The following LRRC18 variants were observed in gnomAD, a reference collection of about 807,000 sequenced individuals.
LRRC18 encodes the protein leucine rich repeat containing 18, also known as leucine-rich repeat-containing protein 18.
LRRC18 carries 12 observed loss-of-function variants against 11.2 expected under a neutral mutation model. The observed-to-expected ratio is 1.07, with a 90% CI of 0.69 to 1.74. The LOEUF (loss-of-function observed/expected upper bound fraction) is 1.74. LRRC18 is among the 40% of genes most tolerant of loss of function. The probability of loss-of-function intolerance (pLI) is 0.00; values close to 1 mark genes in which losing one functional copy is unlikely to be tolerated. For missense variants in LRRC18, 374 were observed against 330.5 expected, an observed-to-expected ratio of 1.13 and a Z score of -1.02; for synonymous variants, 155 against 130.6, an observed-to-expected ratio of 1.19 and a Z score of -1.27.
At chr10:48,910,053 T>C in exon 2 of LRRC18, 1 of 575,648 alleles carries the variant, frequency 1.7e-6, no homozygotes, top group Non-Finnish European at 3.1e-6. Flanking sequence ...CACACACAGG[T>C]GGGCTAAAGC....
chr10:48,933,233 G>A, the LRRC18 span, among the ~76,000 whole-genome samples: 1 of 152,162 alleles, frequency 6.6e-6, no homozygotes, highest in East Asian at 1.9e-4. Context: ...CTGCTAGAGG[G>A]GCCTAGCACT....
At chr10:48,918,772 TG>T (rs1564485785), upstream of LRRC18, among the ~76,000 whole-genome samples, 1 of 152,268 alleles carries the variant, frequency 6.6e-6, no homozygotes, top group Non-Finnish European at 1.5e-5. Context: ...TGACAGGGCT[TG>T]GGGGAAGACC....
At chr10:48,910,190 G>GTGTTTTT in exon 2 of LRRC18, 3 of 1,499,354 alleles carry the variant, frequency 2.0e-6, no homozygotes, top group Non-Finnish European at 2.8e-6. Flanking sequence ...CTTCAGAGTC[G>GTGTTTTT]TTTATTCTGT....
At chr10:48,913,681 T>C (rs1282308382) in exon 1 of LRRC18, 4 of 1,613,392 alleles carry the variant, frequency 2.5e-6, no homozygotes, top group Non-Finnish European at 3.4e-6. Flanking sequence ...CTCACGGGGA[T>C]GTTGTTCAGT....
exon 1 of LRRC18, chr10:48,914,145 C>T (rs200930283): frequency 3.7e-6 from 6 of 1,612,860 alleles, no homozygotes; most frequent in Admixed American, 3.3e-5. Context: ...GCCTTTCTCA[C>T]CCTTAACCAT....
At chr10:48,913,705 G>C (rs1239671860) in exon 1 of LRRC18, 6 of 1,612,446 alleles carry the variant, frequency 3.7e-6, no homozygotes, top group Non-Finnish European at 5.1e-6. Context: ...TTGTCATGGA[G>C]CCCTACCTCG....
chr10:48,937,651 A>T, the LRRC18 span, among the ~76,000 whole-genome samples: 1 of 152,256 alleles, frequency 6.6e-6, no homozygotes, highest in Non-Finnish European at 1.5e-5. Flanking sequence ...ATTAAGTGTT[A>T]TTATTAGGTC....
the LRRC18 span, among the ~76,000 whole-genome samples, chr10:48,938,453 G>A: frequency 6.6e-6 from 1 of 152,234 alleles, no homozygotes; most frequent in African/African-American, 2.4e-5. Flanking sequence ...ACCATATCTG[G>A]AGGCCCAGCC....
At chr10:48,930,639 A>G in the LRRC18 span, among the ~76,000 whole-genome samples, 1 of 152,232 alleles carries the variant, frequency 6.6e-6, no homozygotes, top group Non-Finnish European at 1.5e-5. Flanking sequence ...AGGAAATAAG[A>G]ACAAGACTTT....
At chr10:48,932,852 G>C in the LRRC18 span, among the ~76,000 whole-genome samples, 2 of 152,134 alleles carry the variant, frequency 1.3e-5, no homozygotes, top group Non-Finnish European at 2.9e-5. Context: ...TAACTAGAAT[G>C]CTAAGAAGAA....
At chr10:48,913,931 G>A (rs577229191) in exon 1 of LRRC18, 4 of 1,614,164 alleles carry the variant, frequency 2.5e-6, no homozygotes, top group East Asian at 4.5e-5. Flanking sequence ...CCAGCCACCG[G>A]AGGTTCTGGA....
At chr10:48,922,984 A>G in the LRRC18 span, among the ~76,000 whole-genome samples, 1 of 152,218 alleles carries the variant, frequency 6.6e-6, no homozygotes, top group Non-Finnish European at 1.5e-5. Flanking sequence ...GAATCTGTAC[A>G]TCTGTTGAAG....
the LRRC18 span, among the ~76,000 whole-genome samples, chr10:48,930,133 C>T: frequency 1.4e-4 from 21 of 152,224 alleles, no homozygotes; most frequent in African/African-American, 4.1e-4. Context: ...ACAGTCTAAG[C>T]GCTTACAAGG....
the LRRC18 span, among the ~76,000 whole-genome samples, chr10:48,934,011 A>T: frequency 1.3e-5 from 2 of 152,138 alleles, no homozygotes; most frequent in African/African-American, 4.8e-5. Context: ...CAGGGTGGAC[A>T]GCAGCTGTCT....
At chr10:48,936,950 A>C in the LRRC18 span, among the ~76,000 whole-genome samples, 2 of 150,338 alleles carry the variant, frequency 1.3e-5, no homozygotes, top group African/African-American at 4.9e-5. Context: ...ACATAGTCTC[A>C]CTCTTGTCAC....
At chr10:48,910,020 C>G (rs1220412001) in exon 2 of LRRC18, 7 of 553,412 alleles carry the variant, frequency 1.3e-5, no homozygotes, top group African/African-American at 1.9e-5. Flanking sequence ...AAAACCACAT[C>G]AAATATTTCC....
At chr10:48,928,509 G>A in the LRRC18 span, among the ~76,000 whole-genome samples, 2 of 152,084 alleles carry the variant, frequency 1.3e-5, no homozygotes. Flanking sequence ...AGACCCTGCA[G>A]CCTAGCGTCC....
chr10:48,912,018 A>G (rs959134227), intron 1 of LRRC18, among the ~76,000 whole-genome samples: 1 of 152,190 alleles, frequency 6.6e-6, no homozygotes, highest in African/African-American at 2.4e-5. Context: ...CTCATCATCC[A>G]CTCAGCAAAC....
At chr10:48,922,631 A>G in the LRRC18 span, among the ~76,000 whole-genome samples, 1 of 152,208 alleles carries the variant, frequency 6.6e-6, no homozygotes, top group Non-Finnish European at 1.5e-5. Context: ...ATAGTGTACT[A>G]TAGTGGTTTC....
Sources: gnomAD v4.1 joint callset for allele counts (sites outside exome capture counted in the v4.1 genomes callset) on GRCh38, gnomAD v4.1.1 for gene constraint, MANE v1.5 for transcripts, NCBI Gene and HGNC (gene_info 2026-07-23, HGNC 2026-07-21) for gene names.